Variants in EEF2 observed in about 807,000 individuals in gnomAD.
EEF2 encodes the protein elongation factor 2.
In EEF2, 21 loss-of-function variants were observed where a neutral mutation model predicts 85.3. The ratio of observed to expected loss-of-function variants is 0.25; its 90% confidence interval spans 0.17 to 0.35. The LOEUF is 0.35. Ranked by LOEUF, EEF2 falls within the 10% of genes least tolerant of loss-of-function variation. The pLI is 1.00. For synonymous variants in EEF2, 723 were observed against 508.8 expected (o/e 1.42, Z -5.67); for missense variants, 825 against 1,225.3 (o/e 0.67, Z 4.88).
At chr19:3,980,385 T>G in intron 9 of EEF2, 129 bp downstream of exon 9, 1 of 1,226,494 alleles carries the variant, frequency 8.2e-7, no homozygotes, top group Non-Finnish European at 1.1e-6. Context: ...AAGTTGTGGC[T>G]GGCACAAGTA....
rs1599191368 is a variant in EEF2 at position 3,978,189 on chromosome 19, A to G, written c.1714-17T>C. On this transcript the variant is annotated splice_polypyrimidine_tract_variant and intron_variant, in intron 11 of 14. Coordinates refer to ENST00000309311, the MANE Select transcript of EEF2 (RefSeq NM_001961.4). ...GTCAGATTTCTGCAAAAAGAGGTTA[A>G]GTCCCACTCTTGCCTGGAGAAAGAG... 5.6e-6 allele frequency: 8 copies of G among 1,439,640 alleles called. No individual in the cohort carries two copies. In the South Asian group the frequency reaches 9.2e-5, roughly 17 times the overall value. 89.2% of individuals were successfully genotyped at this position (1,439,640 alleles called of 1,614,324 possible).
rs113413872 is a variant in EEF2, at chr19:3,982,804, T to A, written c.612+3A>T. On this transcript the variant is annotated splice_donor_region_variant and intron_variant, in intron 4 of 14. Coordinates refer to ENST00000309311, the MANE Select transcript of EEF2 (RefSeq NM_001961.4). ...CCCACCACCCAGCTAGGGAGGGCCG[T>A]ACCATGATGTTGCCCATGGGGCCGC... The A allele has an allele frequency of 6.2e-7, 1 of 1,608,776 alleles. No homozygotes were observed. The highest frequency in any genetic ancestry group is 8.5e-7 in the Non-Finnish European group (1 of 1,178,484).
Position 3,983,298 on chromosome 19 carries a change from G to A in EEF2, c.219-7C>T, listed in dbSNP as rs761737590. 3 of 1,612,044 alleles carry A rather than the reference G, an allele frequency of 1.9e-6. No individual in the cohort carries two copies. The highest frequency in any genetic ancestry group is 1.3e-5 in the African/African-American group (1 of 74,834). ...GTAGAAGAGGGAGATGGCACTGATGGAGGGAGGGACTCGTCAGGGGGACAG... is the reference window on the plus strand; with the variant it reads ...GTAGAAGAGGGAGATGGCACTGATGAAGGGAGGGACTCGTCAGGGGGACAG... On this transcript the variant is annotated splice_polypyrimidine_tract_variant and splice_region_variant and intron_variant, in intron 2 of 14. Transcript: ENST00000309311.
intron 7 of EEF2, 102 bp from the exon 8 acceptor site, chr19:3,981,081 C>T: frequency 6.8e-7 from 1 of 1,476,022 alleles, no homozygotes; most frequent in Non-Finnish European, 9.0e-7. Context: ...AAAGTCAGGA[C>T]TAACGTTCTC....
chr19:3,978,193 C>T, intron 11 of EEF2, 21 bp from the exon 12 acceptor site: 1 of 1,437,692 alleles, frequency 7.0e-7, no homozygotes, highest in Non-Finnish European at 9.2e-7. Flanking sequence ...AGGTTAAGTC[C>T]CACTCTTGCC....
chr19:3,978,920 G>A (rs1190073444), intron 11 of EEF2, among the ~76,000 whole-genome samples: 1 of 150,150 alleles, frequency 6.7e-6, no homozygotes, highest in African/African-American at 2.5e-5. Context: ...AGGAGATCGA[G>A]ACCATCTTGA....
intron 6 of EEF2, 28 bp from the exon 7 acceptor site, chr19:3,981,480 G>A: frequency 6.2e-7 from 1 of 1,601,460 alleles, no homozygotes; most frequent in African/African-American, 1.3e-5. Context: ...AAACAAGAAA[G>A]CCCATTTGGG....
At chr19:3,981,906 A>G (rs780699297) in intron 6 of EEF2, 41 bp downstream of exon 6, 5 of 1,588,220 alleles carry the variant, frequency 3.1e-6, no homozygotes, top group African/African-American at 2.7e-5. Flanking sequence ...CCGAGGGCCA[A>G]TAGTCGCATC....
Position 3,985,080 on chromosome 19 carries a change from G to A in EEF2, c.3+298C>T, listed in dbSNP as rs1287339507. 1.1e-5 allele frequency: 4 copies of A among 376,372 alleles called. No homozygotes were observed. In the Admixed American group the frequency reaches 1.8e-4, roughly 17 times the overall value. The allele number at this position is 376,372 out of a possible 1,614,324, so 23.3% of individuals were successfully genotyped here. On this transcript the variant is annotated intron_variant, in intron 1 of 14. Coordinates refer to ENST00000309311, the MANE Select transcript of EEF2 (RefSeq NM_001961.4). ...CTCCCTGTCTCCCCGCTTCCACCGC[G>A]GTGCCCGCCATTACTACGCCTGCCA...
intron 10 of EEF2, 36 bp downstream of exon 10, chr19:3,979,772 G>C: frequency 6.3e-7 from 1 of 1,598,364 alleles, no homozygotes; most frequent in Non-Finnish European, 8.5e-7. Flanking sequence ...TCCCCCCTCA[G>C]GGTGTCTGCT....
chr19:3,982,182 C>T (rs1345472850), intron 5 of EEF2, 64 bp downstream of exon 5: 9 of 1,603,690 alleles, frequency 5.6e-6, no homozygotes, highest in African/African-American at 2.7e-5. Context: ...GCACACCACG[C>T]CCCTACGTCG....
At position 3,976,418 on chromosome 19, in the gene EEF2, C is replaced by T. The variant is rs1035904500; in HGVS notation, c.*136G>A. The T allele has an allele frequency of 3.9e-5, 36 of 926,904 alleles. No homozygotes were observed. Among genetic ancestry groups the T allele is most frequent in the South Asian group, 1.2e-4 (7 of 59,084 alleles). 57.4% of individuals were successfully genotyped at this position (926,904 alleles called of 1,614,324 possible). A position where few individuals can be genotyped will look rare whatever the true frequency, so the allele number is the denominator to read the frequency against. ...CAAGTGTTATGGTTGAGTGATGGCA[C>T]GCAGCGGGCCCCAGAAACCTCTCAG... is the stretch of plus-strand genomic sequence containing the variant. On this transcript the variant is annotated 3_prime_UTR_variant, in exon 15 of 15. Coordinates refer to ENST00000309311, the MANE Select transcript of EEF2 (RefSeq NM_001961.4).
Position 3,976,618 on chromosome 19 carries a change from G to A in EEF2, c.2513C>T (p.Thr838Ile). Residue 838 changes from threonine to isoleucine, a missense_variant, in exon 15 of 15, where the codon ACC becomes ATC. Physicochemically the swap from Thr to Ile is moderately conservative, Grantham distance 89. Transcript: ENST00000309311. ...TTCTTTCAGGCCCTTGCGCTTGCGG[G>A]TCTCCGCCACCACCTGGCTGGGGCG... is the stretch of plus-strand genomic sequence containing the variant. ...SSRPSQVVAE[T>I]RKRKGLKEGI... 1 of 1,610,802 alleles carries A rather than the reference G, an allele frequency of 6.2e-7. No individual in the cohort carries two copies. The highest frequency in any genetic ancestry group is 8.5e-7 in the Non-Finnish European group (1 of 1,178,826).
Position 3,977,733 on chromosome 19 carries a change from G to C in EEF2, c.2067+86C>G. ...GGCCTTGCCCGCCTTGGCCCCATTA[G>C]GGTCTCTGTCTCGGGAGGCAGGACC... On this transcript the variant is annotated intron_variant, in intron 12 of 14. Coordinates refer to ENST00000309311, the MANE Select transcript of EEF2 (RefSeq NM_001961.4). The surrounding 1 kb of genome is among the most constrained non-coding windows in gnomAD (Gnocchi z 5.4). 5 of 1,492,686 alleles carry C rather than the reference G, an allele frequency of 3.3e-6. No homozygotes were observed. The highest frequency in any genetic ancestry group is 2.3e-5 in the East Asian group (1 of 43,594). 92.5% of individuals were successfully genotyped at this position (1,492,686 alleles called of 1,614,324 possible).
In EEF2 at chr19:3,977,150, A is replaced by T; in HGVS notation, c.2383+65T>A. On this transcript the variant is annotated intron_variant, in intron 14 of 14. Transcript: ENST00000309311. This position sits in a 1 kb window ranked among gnomAD's most constrained non-coding sequence, Gnocchi z 5.4. ...CCTCCTTTAACACCTTGCTAAGCTT[A>T]ACTGGGCTTCTGTCCCCCAAACCAG... is the stretch of plus-strand genomic sequence containing the variant. 6.3e-7 allele frequency: 1 copy of T among 1,583,642 alleles called. No individual in the cohort carries two copies. Among genetic ancestry groups the T allele is most frequent in the South Asian group, 1.1e-5 (1 of 87,442 alleles).
intron 7 of EEF2, 115 bp downstream of exon 7, chr19:3,981,224 G>C: frequency 1.7e-6 from 2 of 1,149,420 alleles, no homozygotes; most frequent in South Asian, 2.7e-5. Flanking sequence ...AAGCGAAAGG[G>C]GCAGCAGCTG....
intron 1 of EEF2, 39 bp downstream of exon 1, chr19:3,985,339 G>A (rs760815639): frequency 1.2e-4 from 167 of 1,449,826 alleles, no homozygotes; most frequent in Non-Finnish European, 1.4e-4. Context: ...CGGAGGCCCC[G>A]CCGCCGCTCC....
Position 3,977,948 on chromosome 19 carries a change from G to T in EEF2, c.1938C>A (p.Ala646=), listed in dbSNP as rs767911696. ...AEKYEWDVAE[A]RKIWCFGPDG... ...CGGGCCCAAAGCACCAGATCTTGCG[G>T]GCCTCAGCCACGTCCCACTCGTACT... Residue 646 remains alanine (A), a synonymous_variant, in exon 12 of 15, where the codon GCC becomes GCA. Transcript: ENST00000309311. The surrounding 1 kb of genome is among the most constrained non-coding windows in gnomAD (Gnocchi z 5.4). 1 of 1,613,430 alleles carries T rather than the reference G, an allele frequency of 6.2e-7. No homozygotes were observed. The highest frequency in any genetic ancestry group is 1.1e-5 in the South Asian group (1 of 91,060).
In EEF2 at chr19:3,977,724, G is replaced by T. The variant is rs976278171; in HGVS notation, c.2067+95C>A. 4.7e-6 allele frequency: 7 copies of T among 1,488,198 alleles called. No individual in the cohort carries two copies. Among genetic ancestry groups the T allele is most frequent in the African/African-American group, 1.4e-5 (1 of 71,466 alleles). 92.2% of individuals were successfully genotyped at this position (1,488,198 alleles called of 1,614,324 possible). A position where few individuals can be genotyped will look rare whatever the true frequency, so the allele number is the denominator to read the frequency against. On this transcript the variant is annotated intron_variant, in intron 12 of 14. Transcript: ENST00000309311. The surrounding 1 kb of genome is among the most constrained non-coding windows in gnomAD (Gnocchi z 5.4). Reference sequence around the variant, plus strand: ...GGGACCTGGGGCCTTGCCCGCCTTGGCCCCATTAGGGTCTCTGTCTCGGGA... The same window carrying T: ...GGGACCTGGGGCCTTGCCCGCCTTGTCCCCATTAGGGTCTCTGTCTCGGGA...
Sources: allele counts gnomAD v4.1 joint callset (sites outside exome capture counted in the v4.1 genomes callset), GRCh38; gene constraint gnomAD v4.1.1; non-coding constraint Gnocchi (gnomAD v3.1); transcripts MANE v1.5; gene names NCBI Gene and HGNC (gene_info 2026-07-23, HGNC 2026-07-21).